Variants in UAP1 observed in about 807,000 individuals in gnomAD.
UAP1 encodes UDP-N-acetylhexosamine pyrophosphorylase.
A neutral mutation model predicts 58.5 loss-of-function variants in UAP1; 25 were observed. That is an observed-to-expected ratio of 0.43 (90% CI 0.31 to 0.60). The LOEUF (loss-of-function observed/expected upper bound fraction) is 0.60. Among genes scored for constraint, UAP1 ranks in the 20% least tolerant of loss-of-function variants. The pLI, the probability that UAP1 is intolerant of heterozygous loss-of-function variation, is 0.11. For synonymous variants in UAP1, 208 were observed against 213.0 expected (o/e 0.98, Z 0.21); for missense variants, 575 against 630.0 (o/e 0.91, Z 0.93).
At chr1:162,582,699 A>G (rs575269771) in intron 5 of UAP1, among the ~76,000 whole-genome samples, 7 of 152,236 alleles carry the variant, frequency 4.6e-5, no homozygotes, top group Non-Finnish European at 7.3e-5. Context: ...GAAAGCAGTA[A>G]CCATATAGGC....
At chr1:162,568,926 C>T (rs894565112) in intron 2 of UAP1, among the ~76,000 whole-genome samples, 2 of 152,156 alleles carry the variant, frequency 1.3e-5, no homozygotes, top group African/African-American at 4.8e-5. Context: ...CTATGTGGAG[C>T]TAGTCTACAT....
intron 7 of UAP1, among the ~76,000 whole-genome samples, chr1:162,589,144 A>T: frequency 1.0e-5 from 1 of 98,696 alleles, no homozygotes; most frequent in Admixed American, 1.6e-4. Flanking sequence ...TTATATATTT[A>T]TATAATATAT....
intron 2 of UAP1, among the ~76,000 whole-genome samples, chr1:162,570,382 G>A (rs1653790679): frequency 1.3e-5 from 2 of 152,146 alleles, no homozygotes; most frequent in East Asian, 1.9e-4. Context: ...ATATTTAGTG[G>A]CAAATTTAGT....
At position 162,576,684 on chromosome 1, in the gene UAP1, C is replaced by G. The variant is rs1036307023; in HGVS notation, c.281-93C>G. The stretch of plus-strand genomic sequence containing the variant: ...ACAAGACAGCTGTATAGCCTTACTT[C>G]CTTTTTGATGAGTCTTTGCTGCTAC... On this transcript the variant is annotated intron_variant, in intron 2 of 10. Transcript: ENST00000271469. 4.1e-6 allele frequency: 5 copies of G among 1,206,990 alleles called. No homozygotes were observed. The African/African-American group carries it at 6.1e-5, about 15-fold the overall frequency. 74.8% of individuals were successfully genotyped at this position (1,206,990 alleles called of 1,614,324 possible).
At chr1:162,590,459 G>A (rs1655230641) in exon 8 of UAP1, 1 of 1,610,048 alleles carries the variant, frequency 6.2e-7, no homozygotes, top group Non-Finnish European at 8.5e-7. Context: ...GGTCCTCAAT[G>A]CAGGGGGCCA....
intron 5 of UAP1, among the ~76,000 whole-genome samples, chr1:162,585,558 G>A (rs796232100): frequency 3.7e-4 from 56 of 152,164 alleles, no homozygotes; most frequent in Middle Eastern, 3.4e-3. Context: ...TACCACGCCC[G>A]TTCTATACTT....
At chr1:162,596,639 T>C (rs1308843597) in intron 9 of UAP1, among the ~76,000 whole-genome samples, 3 of 152,150 alleles carry the variant, frequency 2.0e-5, no homozygotes, top group Non-Finnish European at 4.4e-5. Context: ...CTGATCTGGT[T>C]TGAGTGGAGA....
At chr1:162,589,183 TA>T (rs1655126932) in intron 7 of UAP1, among the ~76,000 whole-genome samples, 1 of 90,784 alleles carries the variant, frequency 1.1e-5, no homozygotes, top group Non-Finnish European at 2.1e-5. Context: ...ATATTATATA[TA>T]ATATATATTA....
chr1:162,565,977 A>G lies in UAP1; in HGVS notation c.-57-35A>G, dbSNP rs565601833. 5.7e-5 allele frequency: 79 copies of G among 1,397,178 alleles called. 1 individual carries two copies. The East Asian group carries it at 1.8e-3, about 32-fold the overall frequency. 86.5% of individuals were successfully genotyped at this position (1,397,178 alleles called of 1,614,324 possible). A position where few individuals can be genotyped will look rare whatever the true frequency, so the allele number is the denominator to read the frequency against. ...AAAAGCCCTCAATTTTGGAGGTTGG[A>G]TTTTGACATGCCATTAATTACTTTT... On this transcript the variant is annotated intron_variant, in intron 1 of 10. Coordinates refer to ENST00000271469, the Ensembl canonical transcript of UAP1.
chr1:162,562,940 G>A (rs1024497283), intron 1 of UAP1, among the ~76,000 whole-genome samples: 10 of 152,016 alleles, frequency 6.6e-5, no homozygotes, highest in Non-Finnish European at 1.5e-4. Flanking sequence ...CTTTAATACT[G>A]GTATTTAAAT....
intron 2 of UAP1, among the ~76,000 whole-genome samples, chr1:162,573,890 G>A (rs1317142684): frequency 6.6e-6 from 1 of 151,870 alleles, no homozygotes; most frequent in Non-Finnish European, 1.5e-5. Context: ...CTCGAACCCA[G>A]GAGGCAGAGG....
chr1:162,581,177 G>A, intron 4 of UAP1, 110 bp from the exon 5 acceptor site: 1 of 1,266,876 alleles, frequency 7.9e-7, no homozygotes, highest in Non-Finnish European at 1.1e-6. Context: ...TCTTGCCTTT[G>A]TAAAGCGAAT....
downstream of UAP1, among the ~76,000 whole-genome samples, chr1:162,600,523 A>C (rs1335081266): frequency 6.6e-6 from 1 of 152,180 alleles, no homozygotes; most frequent in Non-Finnish European, 1.5e-5. Flanking sequence ...ATAAAAAGGA[A>C]CATCTGGATA....
At chr1:162,566,465 A>G in intron 2 of UAP1, 117 bp downstream of exon 2, 3 of 1,081,796 alleles carry the variant, frequency 2.8e-6, no homozygotes, top group Non-Finnish European at 3.9e-6. Context: ...CAGGTGACCT[A>G]GCAGAAAGTG....
intron 1 of UAP1, 102 bp downstream of exon 1, chr1:162,561,879 C>T (rs1437908692): frequency 6.6e-6 from 1 of 152,336 alleles, no homozygotes; most frequent in Non-Finnish European, 1.5e-5. Flanking sequence ...CAGACGTGGA[C>T]ACGCGTCGCA....
At chr1:162,589,208 AATATATATAATATTT>A (rs1397763569) in intron 7 of UAP1, among the ~76,000 whole-genome samples, 1 of 50,388 alleles carries the variant, frequency 2.0e-5, no homozygotes, top group Non-Finnish European at 4.3e-5. Flanking sequence ...ATTATATTTA[AATATATATAATATTT>A]ATATATTATA....
At chr1:162,588,888 TCACTCTCTTAGG>T in intron 7 of UAP1, 55 bp downstream of exon 7, 1 of 1,544,450 alleles carries the variant, frequency 6.5e-7, no homozygotes, top group Non-Finnish European at 8.7e-7. Flanking sequence ...ATGCTGCTTT[TCACTCTCTTAGG>T]CATGAAACTG....
chr1:162,563,554 G>A (rs2101719580), intron 1 of UAP1, among the ~76,000 whole-genome samples: 1 of 152,124 alleles, frequency 6.6e-6, no homozygotes, highest in Admixed American at 6.5e-5. Context: ...TAGTGGAGAT[G>A]GGGTTTCACC....
At position 162,597,571 on chromosome 1, in the gene UAP1, A is replaced by G. The variant is rs1655684509; in HGVS notation, c.1410-221A>G. ...TGAAGTGCTGTAAAGAGCTACCAGT[A>G]ATTATTGGCACTTGCCCCAAATAGT... is the stretch of plus-strand genomic sequence containing the variant. On this transcript the variant is annotated intron_variant, in intron 9 of 10. Coordinates refer to ENST00000271469, the Ensembl canonical transcript of UAP1. 4 of 505,688 alleles carry G rather than the reference A, an allele frequency of 7.9e-6. 1 individual carries two copies. The highest frequency in any genetic ancestry group is 3.0e-5 in the South Asian group (1 of 33,360). The allele number at this position is 505,688 out of a possible 1,614,324, so 31.3% of individuals were successfully genotyped here.
Sources: allele counts gnomAD v4.1 joint callset (sites outside exome capture counted in the v4.1 genomes callset), GRCh38; gene constraint gnomAD v4.1.1; transcripts MANE v1.5; gene names NCBI Gene and HGNC (gene_info 2026-07-23, HGNC 2026-07-21).